Variants in TBC1D32 observed in about 807,000 individuals in gnomAD.
TBC1D32 encodes TBC1 domain family member 32.
Under a neutral mutation model 170.3 loss-of-function variants are expected in TBC1D32, and 151 were observed. The observed-to-expected ratio is 0.89, with a 90% CI of 0.78 to 1.01. The LOEUF (loss-of-function observed/expected upper bound fraction) is 1.01. Among genes scored for constraint, TBC1D32 ranks in the 50% least tolerant of loss-of-function variants. TBC1D32 has a pLI of 0.00. For missense variants in TBC1D32, 1,464 were observed against 1,457.1 expected (o/e 1.00, Z -0.08); for synonymous variants, 498 against 488.0 (o/e 1.02, Z -0.27).
At chr6:121,209,876 T>G (rs1196886729) in intron 21 of TBC1D32, among the ~76,000 whole-genome samples, 1 of 152,256 alleles carries the variant, frequency 6.6e-6, no homozygotes, top group South Asian at 2.1e-4. Flanking sequence ...TGTCCGTGCT[T>G]TTTCTGAAAG....
chr6:121,310,959 G>A, intron 3 of TBC1D32, 112 bp from the exon 4 acceptor site: 1 of 680,298 alleles, frequency 1.5e-6, no homozygotes, highest in Non-Finnish European at 2.5e-6. Context: ...GACAAGAGAA[G>A]GAGATGATCT....
At chr6:121,127,816 A>C (rs1387537061) in intron 25 of TBC1D32, among the ~76,000 whole-genome samples, 4 of 152,172 alleles carry the variant, frequency 2.6e-5, no homozygotes, top group Non-Finnish European at 5.9e-5. Context: ...AGACACTTTT[A>C]TAACTCCAAA....
chr6:121,130,818 TA>T (rs964772851), intron 25 of TBC1D32, among the ~76,000 whole-genome samples: 3 of 152,134 alleles, frequency 2.0e-5, no homozygotes, highest in Non-Finnish European at 4.4e-5. Context: ...CAATCAATGG[TA>T]AATATATACT....
intron 15 of TBC1D32, among the ~76,000 whole-genome samples, chr6:121,265,001 CA>C (rs1159907450): frequency 2.0e-5 from 3 of 152,132 alleles, no homozygotes; most frequent in Admixed American, 2.0e-4. Context: ...TCAAAACCAG[CA>C]AAAGACAAGG....
At chr6:121,096,860 T>C (rs1028677317) in intron 30 of TBC1D32, among the ~76,000 whole-genome samples, 5 of 152,036 alleles carry the variant, frequency 3.3e-5, no homozygotes, top group Admixed American at 6.6e-5. Flanking sequence ...TATAGACCAA[T>C]TGAACAGAAC....
intron 31 of TBC1D32, among the ~76,000 whole-genome samples, chr6:121,081,422 T>G (rs886544828): frequency 6.6e-6 from 1 of 152,144 alleles, no homozygotes; most frequent in African/African-American, 2.4e-5. Context: ...GTTTAACAGT[T>G]TAGAGTCTTT....
chr6:121,131,548 A>G (rs1781440292), intron 25 of TBC1D32, 79 bp downstream of exon 25: 1 of 1,447,298 alleles, frequency 6.9e-7, no homozygotes, highest in African/African-American at 1.4e-5. Flanking sequence ...ATATGCCAAT[A>G]CTAATCTTTA....
At chr6:121,181,338 CG>C (rs1287746076) in intron 22 of TBC1D32, among the ~76,000 whole-genome samples, 1 of 151,986 alleles carries the variant, frequency 6.6e-6, no homozygotes, top group Non-Finnish European at 1.5e-5. Context: ...CTCCTCTTCC[CG>C]TAATAGTGAG....
At chr6:121,321,171 T>C (rs1470903532) in intron 2 of TBC1D32, among the ~76,000 whole-genome samples, 1 of 152,224 alleles carries the variant, frequency 6.6e-6, no homozygotes, top group Non-Finnish European at 1.5e-5. Flanking sequence ...ACCAGAAATA[T>C]GCTGTAGGAA....
intron 31 of TBC1D32, among the ~76,000 whole-genome samples, chr6:121,087,327 T>C (rs1371128395): frequency 6.6e-6 from 1 of 152,216 alleles, no homozygotes; most frequent in Non-Finnish European, 1.5e-5. Flanking sequence ...TTCCAACTTA[T>C]CTTTTTAATA....
chr6:121,255,469 T>TCAGTGGACAACTAAGTCTTTTCCCCCCA, intron 16 of TBC1D32, 59 bp from the exon 17 acceptor site: 1 of 392,978 alleles, frequency 2.5e-6, no homozygotes. Context: ...TATATTTATA[T>TCAGTGGACAACTAAGTCTTTTCCCCCCA]TTTATAATTA....
At chr6:121,134,903 G>A (rs1486380827) in intron 24 of TBC1D32, among the ~76,000 whole-genome samples, 2 of 152,102 alleles carry the variant, frequency 1.3e-5, no homozygotes, top group African/African-American at 4.8e-5. Flanking sequence ...CCTTCTAGAT[G>A]TCTTCCCTGA....
chr6:121,102,094 C>A (rs949488505), intron 30 of TBC1D32, among the ~76,000 whole-genome samples: 1 of 152,068 alleles, frequency 6.6e-6, no homozygotes, highest in Admixed American at 6.6e-5. Flanking sequence ...AAAGAGAATA[C>A]AAACAAATGA....
intron 1 of TBC1D32, among the ~76,000 whole-genome samples, chr6:121,325,573 G>A (rs370458436): frequency 2.5e-4 from 38 of 152,262 alleles, no homozygotes; most frequent in African/African-American, 8.9e-4. Context: ...CTAGCCATAC[G>A]CAGAAAGCTG....
Position 121,085,511 on chromosome 6 carries a change from T to C in TBC1D32, c.3655-4621A>G, listed in dbSNP as rs371354545. Among the ~76,000 whole-genome samples, 29 of 151,700 alleles carry C rather than the reference T, an allele frequency of 1.9e-4. 1 individual carries two copies. In the South Asian group the frequency reaches 3.3e-3, roughly 17 times the overall value. The stretch of plus-strand genomic sequence containing the variant: ...GGATGCAGTCCCTTAAATTTTCGAA[T>C]CCTTGGCATTGGCATTGGCATTCTG... On this transcript the variant is annotated intron_variant, in intron 31 of 31. Transcript: ENST00000398212.
chr6:121,199,328 A>C (rs939809476), intron 22 of TBC1D32, among the ~76,000 whole-genome samples: 3 of 151,418 alleles, frequency 2.0e-5, no homozygotes, highest in Non-Finnish European at 4.4e-5. Context: ...ATAGGTGTGA[A>C]TGGATAATTT....
intron 22 of TBC1D32, among the ~76,000 whole-genome samples, chr6:121,178,407 A>T (rs1458274295): frequency 6.6e-6 from 1 of 152,144 alleles, no homozygotes; most frequent in African/African-American, 2.4e-5. Context: ...TTTGTATTTT[A>T]ATGGGATCAC....
At chr6:121,169,524 C>A (rs1368317071) in intron 22 of TBC1D32, among the ~76,000 whole-genome samples, 3 of 152,086 alleles carry the variant, frequency 2.0e-5, no homozygotes, top group African/African-American at 7.2e-5. Context: ...AGAATACTTT[C>A]CTTGATAAAT....
intron 21 of TBC1D32, among the ~76,000 whole-genome samples, chr6:121,214,970 C>G (rs1442029377): frequency 6.6e-6 from 1 of 152,162 alleles, no homozygotes; most frequent in East Asian, 1.9e-4. Flanking sequence ...TGCATGTCTG[C>G]TCAGCACTCA....
Sources: gnomAD v4.1 joint callset for allele counts (sites outside exome capture counted in the v4.1 genomes callset) on GRCh38, gnomAD v4.1.1 for gene constraint, MANE v1.5 for transcripts, NCBI Gene and HGNC (gene_info 2026-07-23, HGNC 2026-07-21) for gene names.